Variants in CRB1 observed in about 807,000 individuals in gnomAD.
The protein encoded by CRB1 is protein crumbs homolog 1.
Under a neutral mutation model 120.0 loss-of-function variants are expected in CRB1, and 83 were observed. That is an observed-to-expected ratio of 0.69 (90% confidence interval 0.58 to 0.83). CRB1 has a LOEUF of 0.83. CRB1 is among the 40% of genes least tolerant of loss of function. The pLI is 0.00. For synonymous variants in CRB1, 625 were observed against 612.5 expected, an observed-to-expected ratio of 1.02 and a Z score of -0.30; for missense variants, 1,699 against 1,687.6, an observed-to-expected ratio of 1.01 and a Z score of -0.12.
At chr1:197,369,566 A>G (rs1034015438) in intron 5 of CRB1, among the ~76,000 whole-genome samples, 1 of 152,204 alleles carries the variant, frequency 6.6e-6, no homozygotes, top group Non-Finnish European at 1.5e-5. Flanking sequence ...TACTTAGGAA[A>G]CAATTAATTT....
At chr1:197,310,121 A>C (rs972155718) in intron 1 of CRB1, among the ~76,000 whole-genome samples, 2 of 152,170 alleles carry the variant, frequency 1.3e-5, no homozygotes, top group Admixed American at 6.5e-5. Flanking sequence ...TTCTCTATGC[A>C]CAGAGTTACC....
chr1:197,363,028 C>G (rs919056618), intron 5 of CRB1, among the ~76,000 whole-genome samples: 133 of 151,814 alleles, frequency 8.8e-4, no homozygotes, highest in African/African-American at 2.9e-3. Context: ...AAATATATTA[C>G]TCTGTGTAAT....
intron 1 of CRB1, among the ~76,000 whole-genome samples, chr1:197,315,656 G>T (rs894816287): frequency 4.6e-5 from 7 of 152,298 alleles, no homozygotes; most frequent in African/African-American, 1.7e-4. Context: ...AGTAGTGTTT[G>T]CATCAACTTC....
At chr1:197,352,948 T>C (rs994801723) in intron 4 of CRB1, among the ~76,000 whole-genome samples, 2 of 152,202 alleles carry the variant, frequency 1.3e-5, no homozygotes, top group Non-Finnish European at 2.9e-5. Context: ...TCTAAATTGT[T>C]ATTTTCAATC....
At chr1:197,257,099 G>A in the CRB1 span, among the ~76,000 whole-genome samples, 2 of 152,094 alleles carry the variant, frequency 1.3e-5, no homozygotes, top group East Asian at 1.9e-4. Context: ...AGCTAATGAT[G>A]TAACTCTCGG....
chr1:197,329,323 T>C (rs1269456694), intron 2 of CRB1, among the ~76,000 whole-genome samples: 1 of 152,214 alleles, frequency 6.6e-6, no homozygotes, highest in East Asian at 1.9e-4. Context: ...GTTCCTTTCA[T>C]TCCAGTTCAA....
At chr1:197,351,479 G>T (rs1390090576) in intron 4 of CRB1, among the ~76,000 whole-genome samples, 1 of 152,044 alleles carries the variant, frequency 6.6e-6, no homozygotes, top group Non-Finnish European at 1.5e-5. Flanking sequence ...TAGGGCTGGA[G>T]GTAGAAACAT....
chr1:197,249,540 A>C, the CRB1 span, among the ~76,000 whole-genome samples: 1 of 151,982 alleles, frequency 6.6e-6, no homozygotes, highest in African/African-American at 2.4e-5. Flanking sequence ...AATAGTACTG[A>C]ACTATTAAAA....
rs757884719 is a variant in CRB1, at chr1:197,421,764, A to C, written c.1936A>C (p.Ile646Leu). The C allele has an allele frequency of 6.2e-6, 10 of 1,614,224 alleles. No homozygotes were observed. Among genetic ancestry groups the C allele is most frequent in the Middle Eastern group, 1.6e-4 (1 of 6,062 alleles). ...TTCGTTTGTAGGCTGTCTCCAAGAC[A>C]TTAAAATTGATTGGAATCACATTAC... The part of the protein sequence containing the change: ...TPSFVGCLQD[I>L]KIDWNHITLE... Residue 646 changes from isoleucine to leucine, a missense_variant, in exon 6 of 12, where the codon ATT (isoleucine) becomes CTT (leucine). By Grantham distance (5) the Ile-to-Leu change is conservative. Transcript: ENST00000367400.
intron 5 of CRB1, among the ~76,000 whole-genome samples, chr1:197,418,563 A>G (rs1055380975): frequency 2.0e-5 from 3 of 152,226 alleles, no homozygotes; most frequent in African/African-American, 7.2e-5. Flanking sequence ...TAAGTACAGT[A>G]GAGTCCAATC....
At chr1:197,252,175 T>C in the CRB1 span, among the ~76,000 whole-genome samples, 2 of 152,036 alleles carry the variant, frequency 1.3e-5, no homozygotes, top group Middle Eastern at 3.4e-3. Context: ...ATAGATAATA[T>C]GTATACAAAT....
At chr1:197,468,880 G>A (rs1190091354) in intron 11 of CRB1, among the ~76,000 whole-genome samples, 1 of 152,142 alleles carries the variant, frequency 6.6e-6, no homozygotes, top group Non-Finnish European at 1.5e-5. Flanking sequence ...AAGAGGAGAG[G>A]CATGATTGAA....
At chr1:197,347,547 A>T in intron 4 of CRB1, 68 bp downstream of exon 4, 2 of 1,466,808 alleles carry the variant, frequency 1.4e-6, no homozygotes, top group South Asian at 2.3e-5. Flanking sequence ...GCTTATAGCA[A>T]ATGAAATGAA....
intron 5 of CRB1, among the ~76,000 whole-genome samples, chr1:197,363,601 G>A (rs1660898688): frequency 6.6e-6 from 1 of 152,128 alleles, no homozygotes; most frequent in African/African-American, 2.4e-5. Context: ...AGGGTTTGGG[G>A]GAAGGAAGGC....
the CRB1 span, among the ~76,000 whole-genome samples, chr1:197,204,356 C>A: frequency 6.6e-6 from 1 of 152,146 alleles, no homozygotes; most frequent in Non-Finnish European, 1.5e-5. Flanking sequence ...GAATCTCCTC[C>A]GCTTTTCCAT....
intron 1 of CRB1, among the ~76,000 whole-genome samples, chr1:197,293,021 T>C (rs554370479): frequency 6.6e-6 from 1 of 152,212 alleles, no homozygotes; most frequent in African/African-American, 2.4e-5. Context: ...ATGCCCTCTC[T>C]CACCACTCCT....
At chr1:197,405,382 A>G (rs1039920837) in intron 5 of CRB1, among the ~76,000 whole-genome samples, 4 of 151,702 alleles carry the variant, frequency 2.6e-5, no homozygotes, top group Non-Finnish European at 5.9e-5. Context: ...TCAGTGCTCA[A>G]TGGTGCCCAG....
the CRB1 span, among the ~76,000 whole-genome samples, chr1:197,258,838 A>C: frequency 6.6e-6 from 1 of 152,224 alleles, no homozygotes; most frequent in African/African-American, 2.4e-5. Flanking sequence ...GGTAGATATT[A>C]AATAAATAAT....
intron 5 of CRB1, among the ~76,000 whole-genome samples, chr1:197,359,477 T>G (rs1258633722): frequency 6.6e-6 from 1 of 152,192 alleles, no homozygotes; most frequent in Non-Finnish European, 1.5e-5. Context: ...TTTTAACCAT[T>G]CAGCCATTGA....
Sources: gnomAD v4.1 joint callset for allele counts (sites outside exome capture counted in the v4.1 genomes callset) on GRCh38, gnomAD v4.1.1 for gene constraint, MANE v1.5 for transcripts, NCBI Gene and HGNC (gene_info 2026-07-23, HGNC 2026-07-21) for gene names.